The following ENOX1 variants were observed in gnomAD, a reference collection of about 807,000 sequenced individuals.
ENOX1 encodes candidate growth-related and time keeping constitutive hydroquinone (NADH) oxidase.
In ENOX1, 42 loss-of-function variants were observed where a neutral mutation model predicts 82.5. The ratio of observed to expected loss-of-function variants is 0.51; its 90% CI spans 0.40 to 0.66. The LOEUF (loss-of-function observed/expected upper bound fraction) is 0.66, where lower values mean the gene tolerates loss of function less well. ENOX1 is among the 30% of genes least tolerant of loss of function. ENOX1 has a pLI of 0.00. For synonymous variants in ENOX1, 271 were observed against 282.2 expected (o/e 0.96, Z 0.40); for missense variants, 608 against 811.6 (o/e 0.75, Z 3.05).
intron 3 of ENOX1, among the ~76,000 whole-genome samples, chr13:43,422,711 C>T (rs968787723): frequency 6.6e-6 from 1 of 152,114 alleles, no homozygotes; most frequent in Non-Finnish European, 1.5e-5. Context: ...GCCAAGGAGA[C>T]AACTCAACTA....
chr13:43,240,282 C>T (rs912856707), intron 14 of ENOX1, among the ~76,000 whole-genome samples: 1 of 152,118 alleles, frequency 6.6e-6, no homozygotes, highest in Non-Finnish European at 1.5e-5. Flanking sequence ...TCAAACTGAT[C>T]AGAAGTGCAA....
At chr13:43,394,642 T>C (rs574105496) in intron 5 of ENOX1, 1 of 152,382 alleles carries the variant, frequency 6.6e-6, no homozygotes, top group East Asian at 1.9e-4. Context: ...GCACACCAAG[T>C]TCATGGGAGA....
At chr13:43,226,391 C>T (rs1210628650) in intron 15 of ENOX1, among the ~76,000 whole-genome samples, 1 of 152,128 alleles carries the variant, frequency 6.6e-6, no homozygotes, top group Non-Finnish European at 1.5e-5. Context: ...ATTTGCATGG[C>T]CATCACCTCA....
chr13:43,730,147 T>C (rs1269771153), intron 1 of ENOX1, among the ~76,000 whole-genome samples: 1 of 152,224 alleles, frequency 6.6e-6, no homozygotes, highest in African/African-American at 2.4e-5. Context: ...ACCATCCATA[T>C]GTTAATGACT....
At chr13:43,546,761 C>T (rs2078990252) in intron 2 of ENOX1, 1 of 152,148 alleles carries the variant, frequency 6.6e-6, no homozygotes, top group Admixed American at 6.5e-5. Context: ...CACCTATCAC[C>T]ATACATCTCA....
At chr13:43,247,111 C>T (rs189956210) in intron 14 of ENOX1, among the ~76,000 whole-genome samples, 1 of 152,202 alleles carries the variant, frequency 6.6e-6, no homozygotes, top group Non-Finnish European at 1.5e-5. Context: ...CACTTGATGT[C>T]AGGAGACCAG....
intron 3 of ENOX1, among the ~76,000 whole-genome samples, chr13:43,441,572 G>T (rs1019055143): frequency 3.3e-5 from 5 of 152,134 alleles, no homozygotes; most frequent in Non-Finnish European, 7.4e-5. Context: ...TGACCAGGCT[G>T]CTTCTAAACA....
chr13:43,310,197 C>CA lies in ENOX1; in HGVS notation c.1262-11668dup, dbSNP rs10555409. Reference sequence around the variant, plus strand: ...CTGGTGACAGAGCGAGATTCCATCTCAAAAAAAAAAAAAAAAAAAAAAAAA... The same window carrying CA: ...CTGGTGACAGAGCGAGATTCCATCTCAAAAAAAAAAAAAAAAAAAAAAAAAA... On this transcript the variant is annotated intron_variant, in intron 11 of 16. Coordinates refer to ENST00000690772, the MANE Select transcript of ENOX1 (RefSeq NM_001347969.2). Among the ~76,000 whole-genome samples the CA allele has an allele frequency of 6.7e-4, 55 of 82,612 alleles. 3 individuals are homozygous for CA. Among genetic ancestry groups the CA allele is most frequent in the African/African-American group, 2.3e-3 (49 of 21,472 alleles). The allele number at this position is 82,612 out of a possible 152,430, so 54.2% of individuals were successfully genotyped here. A position where few individuals can be genotyped will look rare whatever the true frequency, so the allele number is the denominator to read the frequency against.
intron 3 of ENOX1, among the ~76,000 whole-genome samples, chr13:43,476,943 G>T (rs1294684278): frequency 6.6e-6 from 1 of 151,742 alleles, no homozygotes; most frequent in Non-Finnish European, 1.5e-5. Context: ...GCAACAGACT[G>T]GTTCTATTAT....
rs369782796 is a variant in ENOX1 at position 43,704,358 on chromosome 13, A to T, written c.-284-36814T>A. 9.2e-5 allele frequency among the ~76,000 whole-genome samples: 14 copies of T among 152,308 alleles called. No individual in the cohort carries two copies. In the East Asian group the frequency reaches 1.7e-3, roughly 19 times the overall value. On this transcript the variant is annotated intron_variant, in intron 1 of 16. Coordinates refer to ENST00000690772, the MANE Select transcript of ENOX1 (RefSeq NM_001347969.2). ...TAATAATGGTGGAGTAGCTTATAACAGACTAACACTTTGCTGAAAATAGGT... is the reference window on the plus strand; with the variant it reads ...TAATAATGGTGGAGTAGCTTATAACTGACTAACACTTTGCTGAAAATAGGT...
chr13:43,603,385 ATTTATTTT>A (rs1354778026), intron 2 of ENOX1, among the ~76,000 whole-genome samples: 1 of 148,092 alleles, frequency 6.8e-6, no homozygotes, highest in African/African-American at 2.5e-5. Flanking sequence ...TTATTTATTT[ATTTATTTT>A]ATTATTATTA....
At chr13:43,549,563 G>T (rs1381326339) in intron 2 of ENOX1, among the ~76,000 whole-genome samples, 5 of 152,176 alleles carry the variant, frequency 3.3e-5, no homozygotes, top group Non-Finnish European at 7.3e-5. Flanking sequence ...AATACCTCAT[G>T]TAAAAATAGT....
intron 1 of ENOX1, among the ~76,000 whole-genome samples, chr13:43,674,490 G>A (rs1019548432): frequency 2.6e-5 from 4 of 152,144 alleles, no homozygotes; most frequent in South Asian, 2.1e-4. Flanking sequence ...TGAAAAGGCC[G>A]CATACTATAC....
chr13:43,346,220 G>A (rs182960973), intron 8 of ENOX1, among the ~76,000 whole-genome samples: 1 of 152,262 alleles, frequency 6.6e-6, no homozygotes, highest in East Asian at 1.9e-4. Flanking sequence ...CCCAGGAGGT[G>A]TGTGTCCTGA....
chr13:43,493,682 G>A (rs2076698463), intron 2 of ENOX1, among the ~76,000 whole-genome samples: 1 of 152,176 alleles, frequency 6.6e-6, no homozygotes, highest in African/African-American at 2.4e-5. Flanking sequence ...TCCCCTGGGG[G>A]CAGGCCTATC....
At chr13:43,340,309 A>G (rs1465833739) in intron 9 of ENOX1, among the ~76,000 whole-genome samples, 1 of 152,254 alleles carries the variant, frequency 6.6e-6, no homozygotes, top group Non-Finnish European at 1.5e-5. Flanking sequence ...CATTTAAGGT[A>G]TCCCCCATCT....
chr13:43,330,829 T>C (rs1363716159), intron 9 of ENOX1, among the ~76,000 whole-genome samples: 1 of 152,190 alleles, frequency 6.6e-6, no homozygotes, highest in Non-Finnish European at 1.5e-5. Context: ...TGTGTGGAGA[T>C]ACATACACGC....
In ENOX1 at chr13:43,416,369, G is replaced by A. The variant is rs546735097; in HGVS notation, c.-74-3381C>T. On this transcript the variant is annotated intron_variant, in intron 3 of 16. Transcript: ENST00000690772. Reference sequence around the variant, plus strand: ...CCAGATGGGGCGGCCGGACAGAAGCGCTCCTCACATCCCAGACGGGGCGGC... The same window carrying A: ...CCAGATGGGGCGGCCGGACAGAAGCACTCCTCACATCCCAGACGGGGCGGC... Among the ~76,000 whole-genome samples the A allele has an allele frequency of 4.8e-4, 70 of 147,236 alleles. No homozygotes were observed. In the Middle Eastern group the frequency reaches 0.011, roughly 24 times the overall value.
At chr13:43,246,668 A>AT (rs2043097080) in intron 14 of ENOX1, among the ~76,000 whole-genome samples, 1 of 152,296 alleles carries the variant, frequency 6.6e-6, no homozygotes, top group South Asian at 2.1e-4. Flanking sequence ...TGCTCTCTTG[A>AT]TTTGAAGGAT....
Sources: allele counts gnomAD v4.1 joint callset (sites outside exome capture counted in the v4.1 genomes callset), GRCh38; gene constraint gnomAD v4.1.1; transcripts MANE v1.5; gene names NCBI Gene and HGNC (gene_info 2026-07-23, HGNC 2026-07-21).